The following DGKB variants were observed in gnomAD, a reference collection of about 807,000 sequenced individuals.
The protein encoded by DGKB is 90 kDa diacylglycerol kinase.
In DGKB, 67 loss-of-function variants were observed where a neutral mutation model predicts 114.3. That is an observed-to-expected ratio of 0.59 (90% CI 0.48 to 0.72). The LOEUF (loss-of-function observed/expected upper bound fraction) is 0.72. DGKB is among the 30% of genes least tolerant of loss of function. The pLI, the probability that DGKB is intolerant of heterozygous loss-of-function variation, is 0.00. For synonymous variants in DGKB, 398 were observed against 323.1 expected (o/e 1.23, Z -2.49); for missense variants, 907 against 975.2 (o/e 0.93, Z 0.93).
At chr7:14,595,458 A>G (rs1240524903) in intron 17 of DGKB, among the ~76,000 whole-genome samples, 1 of 152,028 alleles carries the variant, frequency 6.6e-6, no homozygotes, top group Admixed American at 6.6e-5. Context: ...TTTCCTCCTT[A>G]TGATCTCTCT....
intron 18 of DGKB, among the ~76,000 whole-genome samples, chr7:14,581,621 G>T (rs1354793038): frequency 1.3e-5 from 2 of 152,104 alleles, no homozygotes; most frequent in Non-Finnish European, 2.9e-5. Context: ...TTGAATCATT[G>T]CATGCCTTGA....
intron 4 of DGKB, among the ~76,000 whole-genome samples, chr7:14,746,224 C>G (rs1301448236): frequency 2.0e-5 from 3 of 152,040 alleles, no homozygotes; most frequent in Non-Finnish European, 4.4e-5. Context: ...GTCACAGCTA[C>G]TTGGGTGGTT....
At chr7:14,567,290 A>AAT (rs1270169543) in intron 20 of DGKB, among the ~76,000 whole-genome samples, 1 of 41,114 alleles carries the variant, frequency 2.4e-5, no homozygotes, top group African/African-American at 1.1e-4. Context: ...TTATATATAT[A>AAT]ATATATTTAT....
intron 20 of DGKB, among the ~76,000 whole-genome samples, chr7:14,489,091 C>A (rs751898782): frequency 6.7e-6 from 1 of 149,382 alleles, no homozygotes; most frequent in African/African-American, 2.6e-5. Flanking sequence ...AAAATCTTTA[C>A]TAAGATGATC....
intron 20 of DGKB, among the ~76,000 whole-genome samples, chr7:14,549,746 T>A (rs1186481671): frequency 2.6e-5 from 4 of 152,202 alleles, no homozygotes; most frequent in African/African-American, 9.6e-5. Flanking sequence ...CCCAGCACTT[T>A]GGGAGGCCAA....
At chr7:14,969,675 C>G (rs1333266106) in intron 1 of DGKB, among the ~76,000 whole-genome samples, 1 of 152,132 alleles carries the variant, frequency 6.6e-6, no homozygotes, top group South Asian at 2.1e-4. Flanking sequence ...GATCCCAAAA[C>G]CATGCATCCC....
chr7:14,710,086 T>G (rs1410061703), intron 6 of DGKB, among the ~76,000 whole-genome samples: 1 of 152,078 alleles, frequency 6.6e-6, no homozygotes, highest in South Asian at 2.1e-4. Flanking sequence ...TCTAATGAGA[T>G]TGTACTGAAC....
At chr7:14,567,437 T>TTA (rs1167703747) in intron 20 of DGKB, among the ~76,000 whole-genome samples, 1 of 60,142 alleles carries the variant, frequency 1.7e-5, no homozygotes, top group Non-Finnish European at 2.9e-5. Flanking sequence ...ATATATATAA[T>TTA]TATATTATAT....
intron 23 of DGKB, among the ~76,000 whole-genome samples, chr7:14,244,405 C>T (rs1480662807): frequency 6.6e-6 from 1 of 151,796 alleles, no homozygotes; most frequent in Admixed American, 6.6e-5. Context: ...GCCTGTAATC[C>T]CAGCACTTTG....
intron 1 of DGKB, among the ~76,000 whole-genome samples, chr7:14,884,671 T>C (rs111747050): frequency 1.8e-4 from 28 of 152,044 alleles, no homozygotes; most frequent in African/African-American, 6.7e-4. Flanking sequence ...TCTCAGGCTC[T>C]GTAAATTACC....
At chr7:14,763,537 G>A (rs946798285) in intron 2 of DGKB, among the ~76,000 whole-genome samples, 1 of 152,010 alleles carries the variant, frequency 6.6e-6, no homozygotes, top group Non-Finnish European at 1.5e-5. Context: ...AATGATTCAA[G>A]CTATTGTATA....
At chr7:14,224,987 G>A (rs1010710130) in intron 23 of DGKB, among the ~76,000 whole-genome samples, 3 of 151,942 alleles carry the variant, frequency 2.0e-5, no homozygotes, top group African/African-American at 7.3e-5. Flanking sequence ...GAAGTTAGGA[G>A]GACACTTCCT....
intron 23 of DGKB, among the ~76,000 whole-genome samples, chr7:14,313,505 G>A (rs1351145432): frequency 6.6e-6 from 1 of 152,298 alleles, no homozygotes. Context: ...TCAAAGAAAG[G>A]GGTGACGGAC....
chr7:14,932,698 G>A (rs1019829404), intron 1 of DGKB, among the ~76,000 whole-genome samples: 11 of 152,024 alleles, frequency 7.2e-5, no homozygotes, highest in South Asian at 4.2e-4. Context: ...TATTAATAAC[G>A]CAAAACAATA....
chr7:14,965,077 T>A (rs1006249485), intron 1 of DGKB, among the ~76,000 whole-genome samples: 1 of 152,104 alleles, frequency 6.6e-6, no homozygotes, highest in Non-Finnish European at 1.5e-5. Flanking sequence ...AAATTTCATT[T>A]GGGAGGATCA....
intron 1 of DGKB, among the ~76,000 whole-genome samples, chr7:14,968,069 T>G (rs1279980074): frequency 6.6e-6 from 1 of 152,138 alleles, no homozygotes; most frequent in African/African-American, 2.4e-5. Flanking sequence ...TTTGTCCATT[T>G]CTCCTTAATG....
chr7:14,604,477 A>G (rs547388270), intron 17 of DGKB, among the ~76,000 whole-genome samples: 3 of 152,180 alleles, frequency 2.0e-5, no homozygotes, highest in Admixed American at 6.6e-5. Flanking sequence ...AGAATTTGGA[A>G]GAATGCATAA....
At chr7:14,599,447 C>T (rs564633090) in intron 17 of DGKB, among the ~76,000 whole-genome samples, 2 of 152,224 alleles carry the variant, frequency 1.3e-5, no homozygotes, top group East Asian at 3.9e-4. Context: ...AATCATTATG[C>T]TTTTATGCTT....
At chr7:14,195,919 C>T (rs1253942285) in intron 23 of DGKB, among the ~76,000 whole-genome samples, 3 of 152,144 alleles carry the variant, frequency 2.0e-5, no homozygotes, top group Non-Finnish European at 2.9e-5. Context: ...GTGCATAAAA[C>T]CATTGCTGGT....
Sources: allele counts gnomAD v4.1 joint callset (sites outside exome capture counted in the v4.1 genomes callset), GRCh38; gene constraint gnomAD v4.1.1; transcripts MANE v1.5; gene names NCBI Gene and HGNC (gene_info 2026-07-23, HGNC 2026-07-21).